INTS10: variants seen among roughly 807,000 people sequenced by gnomAD.
INTS10 encodes the protein integrator complex subunit 10, also known as chromosome 8 open reading frame 35.
INTS10 carries 44 observed loss-of-function variants against 94.4 expected under a neutral mutation model. The observed-to-expected ratio is 0.47, with a 90% CI of 0.37 to 0.60. The LOEUF (loss-of-function observed/expected upper bound fraction) is 0.60. INTS10 is among the 20% of genes least tolerant of loss of function. The probability of loss-of-function intolerance (pLI) is 0.00; values close to 1 mark genes in which losing one functional copy is unlikely to be tolerated. For synonymous variants in INTS10, 341 were observed against 320.7 expected, an observed-to-expected ratio of 1.06 and a Z score of -0.68; for missense variants, 797 against 868.7, an observed-to-expected ratio of 0.92 and a Z score of 1.04.
At position 19,817,437 on chromosome 8, in the gene INTS10, C is replaced by A. The variant is rs905728886; in HGVS notation, c.-101C>A. On this transcript the variant is annotated 5_prime_UTR_variant, in exon 1 of 17. Coordinates refer to ENST00000397977, the MANE Select transcript of INTS10 (RefSeq NM_018142.4). ...CTCCAGACATGCGCAGTAGCCTCCC[C>A]CGCGGTGGCGGCGGCGGCGGCGGTG... 1.4e-6 allele frequency: 2 copies of A among 1,384,546 alleles called. No homozygotes were observed. The highest frequency in any genetic ancestry group is 2.4e-5 in the East Asian group (1 of 41,368). 85.8% of individuals were successfully genotyped at this position (1,384,546 alleles called of 1,614,324 possible).
chr8:19,842,503 T>G (rs34311148), intron 13 of INTS10, among the ~76,000 whole-genome samples: 73,978 of 152,004 alleles, frequency 0.49, 18,155 homozygotes, highest in Non-Finnish European at 0.53. Context: ...ATTATTGATA[T>G]TAGAAATGTT....
intron 10 of INTS10, 142 bp downstream of exon 10, chr8:19,830,701 C>A (rs1205802069): frequency 5.3e-6 from 4 of 753,866 alleles, no homozygotes; most frequent in Non-Finnish European, 6.4e-6. Context: ...GACGGAGTCT[C>A]ACTCTTTTTC....
At chr8:19,825,832 A>T (rs1482821055) in intron 8 of INTS10, among the ~76,000 whole-genome samples, 3 of 152,170 alleles carry the variant, frequency 2.0e-5, no homozygotes, top group Admixed American at 6.5e-5. Context: ...TTAATGACTC[A>T]TGATCATTAT....
intron 13 of INTS10, among the ~76,000 whole-genome samples, chr8:19,841,597 T>C (rs769280217): frequency 1.3e-5 from 2 of 152,130 alleles, no homozygotes; most frequent in South Asian, 2.1e-4. Context: ...CAATTCAGAA[T>C]AAAACAATAA....
At chr8:19,824,711 T>G in intron 7 of INTS10, 92 bp from the exon 8 acceptor site, 1 of 790,508 alleles carries the variant, frequency 1.3e-6, no homozygotes, top group South Asian at 1.9e-5. Flanking sequence ...CAACATTTGG[T>G]ACATGTAATG....
Position 19,822,466 on chromosome 8 carries a change from G to A in INTS10, c.469G>A (p.Ala157Thr), listed in dbSNP as rs988282715. ...GVGLGEALLE[A>T]ETIEEQESPV... ...TGGCCTTGGGGAGGCACTATTAGAG[G>A]CTGAAACTATTGAAGAACAAGAATC... is the stretch of plus-strand genomic sequence containing the variant. Residue 157 changes from alanine (A) to threonine (T), a missense_variant, in exon 5 of 17, where the codon GCT becomes ACT. Coordinates refer to ENST00000397977, the MANE Select transcript of INTS10 (RefSeq NM_018142.4). 6.2e-7 allele frequency: 1 copy of A among 1,612,062 alleles called. No homozygotes were observed. Among genetic ancestry groups the A allele is most frequent in the Non-Finnish European group, 8.5e-7 (1 of 1,178,284 alleles).
intron 10 of INTS10, among the ~76,000 whole-genome samples, chr8:19,831,002 T>C (rs1284269658): frequency 2.0e-5 from 3 of 152,218 alleles, no homozygotes; most frequent in Non-Finnish European, 4.4e-5. Context: ...ATTAACTCCA[T>C]TGTCTGAAAA....
chr8:19,843,954 T>G lies in INTS10; in HGVS notation c.1720-122T>G, dbSNP rs553270341. The G allele has an allele frequency of 3.1e-5, 21 of 685,632 alleles. 1 individual carries two copies. The highest frequency in any genetic ancestry group is 2.2e-4 in the East Asian group (8 of 37,184). 42.5% of individuals were successfully genotyped at this position (685,632 alleles called of 1,614,324 possible). The stretch of plus-strand genomic sequence containing the variant: ...CGTTGTGCCTTTGTTTCCTTCTTAC[T>G]CTAATGACGTTTATCACACATTTGC... On this transcript the variant is annotated intron_variant, in intron 14 of 16. Transcript: ENST00000397977. The surrounding 1 kb of genome is among the most constrained non-coding windows in gnomAD (Gnocchi z 4.7).
chr8:19,831,646 G>A (rs1394737902), intron 10 of INTS10, among the ~76,000 whole-genome samples: 1 of 152,076 alleles, frequency 6.6e-6, no homozygotes, highest in Non-Finnish European at 1.5e-5. Flanking sequence ...CCCATGTTAG[G>A]GCCACTGTAC....
chr8:19,820,536 C>T lies in INTS10; in HGVS notation c.441+18C>T, dbSNP rs748115206. On this transcript the variant is annotated intron_variant, in intron 4 of 16. Transcript: ENST00000397977. ...AGCATGGGGTGAGATTTGATTCTTC[C>T]CCTTCTTTTAATATAAAATACAATG... 20 of 1,596,228 alleles carry T rather than the reference C, an allele frequency of 1.3e-5. No homozygotes were observed. The highest frequency in any genetic ancestry group is 1.7e-4 in the Middle Eastern group (1 of 5,976).
Position 19,833,227 on chromosome 8 carries a change from T to C in INTS10, c.1436T>C (p.Ile479Thr), listed in dbSNP as rs1448676841. The C allele has an allele frequency of 6.2e-7, 1 of 1,612,962 alleles. No homozygotes were observed. Residue 479 changes from isoleucine to threonine, a missense_variant, in exon 12 of 17, where the codon ATT becomes ACT. Physicochemically the swap from Ile to Thr is moderately conservative, Grantham distance 89. Transcript: ENST00000397977. ...LHHLAALQGSISQPQITGQGT... is the reference protein window; with the variant it reads ...LHHLAALQGSTSQPQITGQGT... ...CACTTAGCAGCTCTCCAGGGATCCA[T>C]TTCTCAGCCACAGATCACAGGGCAG...
intron 10 of INTS10, among the ~76,000 whole-genome samples, chr8:19,830,923 T>C (rs111386636): frequency 0.17 from 26,207 of 152,162 alleles, 2,531 homozygotes; most frequent in Middle Eastern, 0.29. Flanking sequence ...CCGCCCACCT[T>C]GGCCTCCCAA....
rs1284819152 is a variant in INTS10 at position 19,849,263 on chromosome 8, C to G, written c.1977-2386C>G. 3 of 1,238,868 alleles carry G rather than the reference C, an allele frequency of 2.4e-6. No individual in the cohort carries two copies. Among genetic ancestry groups the G allele is most frequent in the Non-Finnish European group, 3.2e-6 (3 of 943,514 alleles). 76.7% of individuals were successfully genotyped at this position (1,238,868 alleles called of 1,614,324 possible). ...AGGTACCAAGTGGAATCAACGCCCG[C>G]TCATAGTGTGCTGTTTGTCAACATG... On this transcript the variant is annotated intron_variant, in intron 16 of 16. Coordinates refer to ENST00000397977, the MANE Select transcript of INTS10 (RefSeq NM_018142.4). The surrounding 1 kb of genome is among the most constrained non-coding windows in gnomAD (Gnocchi z 4.6).
intron 1 of INTS10, 101 bp from the exon 2 acceptor site, chr8:19,818,174 C>T (rs1166016890): frequency 1.8e-6 from 2 of 1,127,506 alleles, no homozygotes; most frequent in African/African-American, 1.5e-5. Flanking sequence ...GCTTCACTCT[C>T]AGGCCCTCCC....
chr8:19,828,202 C>T (rs974589439), intron 9 of INTS10, among the ~76,000 whole-genome samples: 5 of 152,160 alleles, frequency 3.3e-5, no homozygotes, highest in Non-Finnish European at 7.3e-5. Context: ...CAGAGGGAGA[C>T]CCCGTCTATA....
intron 4 of INTS10, chr8:19,822,187 G>A (rs141081812): frequency 6.1e-4 from 164 of 267,808 alleles, no homozygotes; most frequent in African/African-American, 3.3e-3. Flanking sequence ...CTTGTTCATC[G>A]TTAATTAGAA....
Position 19,843,040 on chromosome 8 carries a change from G to A in INTS10, c.1719+113G>A. On this transcript the variant is annotated intron_variant, in intron 14 of 16. Transcript: ENST00000397977. This position sits in a 1 kb window ranked among gnomAD's most constrained non-coding sequence, Gnocchi z 4.7. Reference sequence around the variant, plus strand: ...TGTTATTTTAGTACTTTTGAGGGCAGGCCCAAACAGTTAGAAAAGCACATG... The same window carrying A: ...TGTTATTTTAGTACTTTTGAGGGCAAGCCCAAACAGTTAGAAAAGCACATG... 1 of 727,938 alleles carries A rather than the reference G, an allele frequency of 1.4e-6. No individual in the cohort carries two copies. The highest frequency in any genetic ancestry group is 2.4e-6 in the Non-Finnish European group (1 of 421,412). The allele number at this position is 727,938 out of a possible 1,614,324, so 45.1% of individuals were successfully genotyped here.
intron 13 of INTS10, among the ~76,000 whole-genome samples, chr8:19,838,721 A>G (rs962022751): frequency 6.6e-6 from 1 of 152,236 alleles, no homozygotes; most frequent in Non-Finnish European, 1.5e-5. Flanking sequence ...ATACAGCAAT[A>G]TAGAAGGACA....
rs2068523097 is a variant in INTS10 at position 19,845,751 on chromosome 8, G to C, written c.1930G>C (p.Gly644Arg). 3.1e-6 allele frequency: 5 copies of C among 1,613,822 alleles called. No homozygotes were observed. Among genetic ancestry groups the C allele is most frequent in the Non-Finnish European group, 4.2e-6 (5 of 1,179,838 alleles). Residue 644 changes from glycine (G) to arginine (R), a missense_variant, in exon 16 of 17, where the codon GGG becomes CGG. By Grantham distance (125) the Gly-to-Arg change is moderately radical. Around this residue, in one of 3 missense-constraint regions of INTS10, gnomAD observed 734 missense variants for 787.8 expected, o/e 0.93. Transcript: ENST00000397977. ...TGCCTACTTGAGAACTCAGGAAGGT[G>C]GGAAAATTCATCTGGAATTACTACC... The part of the protein sequence containing the change: ...EFAYLRTQEG[G>R]KIHLELLPNQ...
Sources: gnomAD v4.1 joint callset for allele counts (sites outside exome capture counted in the v4.1 genomes callset) on GRCh38, gnomAD v4.1.1 for gene constraint, gnomAD v4.1.1 regional missense constraint, Gnocchi (gnomAD v3.1) non-coding constraint, MANE v1.5 for transcripts, NCBI Gene and HGNC (gene_info 2026-07-23, HGNC 2026-07-21) for gene names.